IL1RAPL1: variants seen among roughly 807,000 people sequenced by gnomAD.
IL1RAPL1 encodes the protein interleukin 1 receptor accessory protein like 1, also known as interleukin-1 receptor accessory protein-like 1.
IL1RAPL1 carries 3 observed loss-of-function variants against 48.4 expected under a neutral mutation model. The observed-to-expected ratio is 0.06, with a 90% CI of 0.03 to 0.16. The LOEUF is 0.16. Among genes scored for constraint, IL1RAPL1 ranks in the 10% least tolerant of loss-of-function variants. The pLI is 1.00. For missense variants in IL1RAPL1, 349 were observed against 530.6 expected (o/e 0.66, Z 3.36); for synonymous variants, 185 against 187.7 (o/e 0.99, Z 0.12).
intron 1 of IL1RAPL1, among the ~76,000 whole-genome samples, chrX:28,608,707 A>T (rs1934113192): frequency 8.9e-6 from 1 of 111,956 alleles, no homozygotes; most frequent in Non-Finnish European, 1.9e-5. Context: ...TGTCATAATT[A>T]TTAAAAAATG....
chrX:29,807,903 T>C (rs1942571402), intron 6 of IL1RAPL1, among the ~76,000 whole-genome samples: 1 of 111,284 alleles, frequency 9.0e-6, no homozygotes, highest in African/African-American at 3.3e-5. Context: ...TATGAAAACA[T>C]ACTGAACATC....
chrX:29,245,245 T>C (rs1320905932), intron 2 of IL1RAPL1, among the ~76,000 whole-genome samples: 1 of 111,557 alleles, frequency 9.0e-6, no homozygotes, highest in Admixed American at 9.5e-5. Flanking sequence ...TACATGTGCA[T>C]GTGTCTTTAT....
intron 6 of IL1RAPL1, among the ~76,000 whole-genome samples, chrX:29,803,007 A>ATGTG (rs1206603698): frequency 2.5e-5 from 1 of 39,716 alleles, no homozygotes; most frequent in African/African-American, 1.2e-4. Context: ...GTATGCATAT[A>ATGTG]TACATATGTG....
chrX:28,803,830 T>C (rs1000218732), intron 2 of IL1RAPL1, among the ~76,000 whole-genome samples: 2 of 112,422 alleles, frequency 1.8e-5, no homozygotes, highest in Non-Finnish European at 3.8e-5. Flanking sequence ...CTTGATAACA[T>C]TGATTCACAT....
intron 5 of IL1RAPL1, among the ~76,000 whole-genome samples, chrX:29,399,581 G>A (rs1933963416): frequency 9.0e-6 from 1 of 111,534 alleles, no homozygotes; most frequent in African/African-American, 3.3e-5. Context: ...AGCACTTTGG[G>A]AGGCCAAGGT....
intron 1 of IL1RAPL1, among the ~76,000 whole-genome samples, chrX:28,753,736 G>A (rs1936071444): frequency 8.9e-6 from 1 of 112,121 alleles, no homozygotes; most frequent in African/African-American, 3.2e-5. Flanking sequence ...TTAGCAACTT[G>A]ATCATGCTGG....
At chrX:29,516,221 G>T (rs1935443973) in intron 5 of IL1RAPL1, among the ~76,000 whole-genome samples, 1 of 111,660 alleles carries the variant, frequency 9.0e-6, no homozygotes, top group Admixed American at 9.5e-5. Flanking sequence ...CATATTAATT[G>T]GTTGTGAAAA....
intron 6 of IL1RAPL1, among the ~76,000 whole-genome samples, chrX:29,785,349 C>T (rs931697147): frequency 1.7e-4 from 19 of 112,082 alleles, no homozygotes; most frequent in African/African-American, 5.8e-4. Flanking sequence ...CTGGTCATAC[C>T]AAGTGTTGTA....
At chrX:28,979,575 A>G (rs763439050) in intron 2 of IL1RAPL1, among the ~76,000 whole-genome samples, 2 of 111,989 alleles carry the variant, frequency 1.8e-5, no homozygotes, top group East Asian at 5.7e-4. Context: ...ATTATTCTCC[A>G]TGGAGAATAC....
At chrX:29,833,099 G>C (rs1223158578) in intron 6 of IL1RAPL1, among the ~76,000 whole-genome samples, 1 of 111,647 alleles carries the variant, frequency 9.0e-6, no homozygotes, top group Non-Finnish European at 1.9e-5. Flanking sequence ...CAATTCTTCA[G>C]ATATAAAACA....
At chrX:29,192,291 T>C (rs1930366130) in intron 2 of IL1RAPL1, among the ~76,000 whole-genome samples, 2 of 112,004 alleles carry the variant, frequency 1.8e-5, no homozygotes, top group Admixed American at 9.6e-5. Flanking sequence ...TAAATTGCAT[T>C]ACATAATTTT....
chrX:29,124,948 A>G (rs985779865), intron 2 of IL1RAPL1, among the ~76,000 whole-genome samples: 1 of 112,094 alleles, frequency 8.9e-6, no homozygotes, highest in African/African-American at 3.2e-5. Context: ...CATTTTGTGG[A>G]AGGGAAAAAT....
At chrX:29,292,680 T>A (rs1362460598) in intron 3 of IL1RAPL1, among the ~76,000 whole-genome samples, 1 of 111,416 alleles carries the variant, frequency 9.0e-6, no homozygotes, top group African/African-American at 3.3e-5. Flanking sequence ...ATTTTAATGA[T>A]TGTGTGCATA....
chrX:29,435,881 C>T (rs748459691), intron 5 of IL1RAPL1, among the ~76,000 whole-genome samples: 6 of 110,526 alleles, frequency 5.4e-5, no homozygotes, highest in Non-Finnish European at 1.1e-4. Context: ...ATGGAATGGT[C>T]ACTTTTTCTT....
At position 28,727,699 on chromosome X, in the gene IL1RAPL1, A is replaced by G. The variant is rs1160490599; in HGVS notation, c.-24-61621A>G. Reference sequence around the variant, plus strand: ...TCATAGATAGCTCTTATTATTTTGAAATACATCCCATCAATACCTAATTTA... The same window carrying G: ...TCATAGATAGCTCTTATTATTTTGAGATACATCCCATCAATACCTAATTTA... On this transcript the variant is annotated intron_variant, in intron 1 of 10. Coordinates refer to ENST00000378993, the MANE Select transcript of IL1RAPL1 (RefSeq NM_014271.4). Among the ~76,000 whole-genome samples the G allele has an allele frequency of 4.7e-3, 501 of 106,198 alleles. 2 individuals are homozygous for G. Among genetic ancestry groups the G allele is most frequent in the Non-Finnish European group, 8.2e-3 (427 of 51,768 alleles). 92.2% of individuals were successfully genotyped at this position (106,198 alleles called of 115,157 possible).
At chrX:28,797,825 A>G (rs1217985437) in intron 2 of IL1RAPL1, among the ~76,000 whole-genome samples, 1 of 111,307 alleles carries the variant, frequency 9.0e-6, no homozygotes, top group Non-Finnish European at 1.9e-5. Flanking sequence ...GTACCAATTT[A>G]CTGTGTTAGC....
At chrX:28,597,529 C>G (rs992850882) in intron 1 of IL1RAPL1, among the ~76,000 whole-genome samples, 4 of 110,788 alleles carry the variant, frequency 3.6e-5, no homozygotes, top group African/African-American at 1.3e-4. Context: ...GTCAGGAGTT[C>G]GAGACCAGCC....
At chrX:29,369,310 C>T (rs1348474347) in intron 3 of IL1RAPL1, 2 of 110,045 alleles carry the variant, frequency 1.8e-5, no homozygotes, top group Non-Finnish European at 1.9e-5. Flanking sequence ...GGCCTGAGAC[C>T]TGAGGTACTT....
At chrX:29,907,561 G>T (rs774864840) in intron 6 of IL1RAPL1, among the ~76,000 whole-genome samples, 2 of 111,263 alleles carry the variant, frequency 1.8e-5, no homozygotes, top group East Asian at 5.6e-4. Context: ...GTTAAATCTG[G>T]TACCATATCT....
Sources: gnomAD v4.1 joint callset for allele counts (sites outside exome capture counted in the v4.1 genomes callset) on GRCh38, gnomAD v4.1.1 for gene constraint, MANE v1.5 for transcripts, NCBI Gene and HGNC (gene_info 2026-07-23, HGNC 2026-07-21) for gene names.